The following TRPC3 variants were observed in gnomAD, a reference collection of about 807,000 sequenced individuals.
The protein encoded by TRPC3 is short transient receptor potential channel 3.
A neutral mutation model predicts 90.9 loss-of-function variants in TRPC3; 54 were observed. The observed-to-expected ratio is 0.59, with a 90% CI of 0.48 to 0.75. TRPC3 has a LOEUF of 0.75. Ranked by LOEUF, TRPC3 falls within the 30% of genes least tolerant of loss-of-function variation. The pLI is 0.00. For missense variants in TRPC3, 918 were observed against 1,194.5 expected, an observed-to-expected ratio of 0.77 and a Z score of 3.41; for synonymous variants, 424 against 450.9, an observed-to-expected ratio of 0.94 and a Z score of 0.75.
chr4:121,882,101 G>A (rs1376676424), intron 11 of TRPC3, among the ~76,000 whole-genome samples: 1 of 152,096 alleles, frequency 6.6e-6, no homozygotes, highest in African/African-American at 2.4e-5. Flanking sequence ...CTCCTAGAAA[G>A]ATGTCAGTCT....
chr4:121,910,458 C>T, intron 5 of TRPC3, 71 bp from the exon 6 acceptor site: 1 of 1,227,596 alleles, frequency 8.1e-7, no homozygotes, highest in Non-Finnish European at 1.2e-6. Flanking sequence ...ATTGTGTCCA[C>T]CATCAGGTCA....
At chr4:121,889,010 C>T (rs555776344) in intron 10 of TRPC3, among the ~76,000 whole-genome samples, 75 of 152,290 alleles carry the variant, frequency 4.9e-4, no homozygotes, top group African/African-American at 1.7e-3. Context: ...TTACAGCTAC[C>T]TGATTTTCAA....
At chr4:121,928,421 C>T (rs1392426491) in intron 2 of TRPC3, among the ~76,000 whole-genome samples, 3 of 152,130 alleles carry the variant, frequency 2.0e-5, no homozygotes, top group Non-Finnish European at 4.4e-5. Context: ...TGCAGAGTTC[C>T]GTGGGAAAGA....
At chr4:121,938,942 A>C (rs1730217631) in intron 1 of TRPC3, among the ~76,000 whole-genome samples, 1 of 151,944 alleles carries the variant, frequency 6.6e-6, no homozygotes, top group Admixed American at 6.6e-5. Flanking sequence ...GGATGGTGAC[A>C]GCCCACCCCA....
chr4:121,888,290 T>C (rs1279505913), intron 10 of TRPC3, among the ~76,000 whole-genome samples: 2 of 152,206 alleles, frequency 1.3e-5, no homozygotes, highest in Admixed American at 1.3e-4. Flanking sequence ...GATGACCCTA[T>C]TGGTGATGGC....
chr4:121,896,451 C>G (rs1409921183), intron 10 of TRPC3, among the ~76,000 whole-genome samples: 4 of 152,038 alleles, frequency 2.6e-5, no homozygotes, highest in Non-Finnish European at 5.9e-5. Flanking sequence ...AACTGATAAA[C>G]AAATTCAGTA....
chr4:121,884,300 G>A (rs1728036264), intron 10 of TRPC3, among the ~76,000 whole-genome samples: 1 of 152,098 alleles, frequency 6.6e-6, no homozygotes, highest in Non-Finnish European at 1.5e-5. Context: ...GCAAGAAGAG[G>A]AGAAACCCAA....
At chr4:121,948,272 C>G (rs533821746) in intron 1 of TRPC3, among the ~76,000 whole-genome samples, 41 of 151,786 alleles carry the variant, frequency 2.7e-4, no homozygotes, top group Middle Eastern at 6.8e-3. Flanking sequence ...TGTTGGTTAT[C>G]TGGGTCAAAA....
chr4:121,949,885 C>T (rs1417047914), intron 1 of TRPC3, among the ~76,000 whole-genome samples: 1 of 152,172 alleles, frequency 6.6e-6, no homozygotes, highest in Non-Finnish European at 1.5e-5. Context: ...AGTGAATAAT[C>T]TCTGCTCCGC....
chr4:121,921,501 G>T (rs1425829236), intron 3 of TRPC3, among the ~76,000 whole-genome samples: 1 of 115,804 alleles, frequency 8.6e-6, no homozygotes. Context: ...CAGCCTGGGC[G>T]ACAGAGCGAG....
intron 2 of TRPC3, chr4:121,930,844 A>C: frequency 2.5e-6 from 1 of 402,010 alleles, no homozygotes; most frequent in South Asian, 1.8e-5. Context: ...AAAAAAAAAA[A>C]AAAAAAAAAC....
chr4:121,882,508 T>C (rs918225452), intron 10 of TRPC3, 79 bp from the exon 11 acceptor site: 1 of 1,367,324 alleles, frequency 7.3e-7, no homozygotes, highest in African/African-American at 1.5e-5. Flanking sequence ...GAGGCTTACA[T>C]ACCTGTAAAG....
rs1484085151 is a variant in TRPC3, at chr4:121,952,018, C to T, written c.-338G>A. On this transcript the variant is annotated 5_prime_UTR_variant, in exon 1 of 12. Coordinates refer to ENST00000379645, the MANE Select transcript of TRPC3 (RefSeq NM_001130698.2). ...GGCGATGCCTCCTCGGCGCCCGTCT[C>T]CTGTCTCCGACAGCATCACTTGCTA... Among the ~76,000 whole-genome samples, 1 of 150,698 alleles carries T rather than the reference C, an allele frequency of 6.6e-6. No individual in the cohort carries two copies. Among genetic ancestry groups the T allele is most frequent in the Non-Finnish European group, 1.5e-5 (1 of 67,688 alleles).
Position 121,932,172 on chromosome 4 carries a change from C to G in TRPC3, c.987+99G>C. ...CCCTCGTGATTTCACATTCACTGGG[C>G]AAAACCGAATGTGGAGCGAACGGTG... On this transcript the variant is annotated intron_variant, in intron 2 of 11. Transcript: ENST00000379645. This position sits in a 1 kb window ranked among gnomAD's most constrained non-coding sequence, Gnocchi z 7.7. 1 of 1,526,854 alleles carries G rather than the reference C, an allele frequency of 6.5e-7. No homozygotes were observed. The highest frequency in any genetic ancestry group is 1.4e-5 in the African/African-American group (1 of 72,814). 94.6% of individuals were successfully genotyped at this position (1,526,854 alleles called of 1,614,324 possible).
chr4:121,951,868 A>G lies in TRPC3; in HGVS notation c.-188T>C. 1 of 404,940 alleles carries G rather than the reference A, an allele frequency of 2.5e-6. No homozygotes were observed. Among genetic ancestry groups the G allele is most frequent in the Non-Finnish European group, 4.2e-6 (1 of 237,136 alleles). 25.1% of individuals were successfully genotyped at this position (404,940 alleles called of 1,614,324 possible). On this transcript the variant is annotated 5_prime_UTR_variant, in exon 1 of 12. Transcript: ENST00000379645. This position sits in a 1 kb window ranked among gnomAD's most constrained non-coding sequence, Gnocchi z 4.4. ...ATCCAGCAGTTAGAGGCTAGCGCCG[A>G]AGCCGAGCTGCCGCCGCCCACCATC...
chr4:121,950,434 C>T (rs1423450609), intron 1 of TRPC3: 2 of 152,450 alleles, frequency 1.3e-5, no homozygotes, highest in South Asian at 2.1e-4. Context: ...CGCCACCATC[C>T]GACCCCAAGT....
In TRPC3 at chr4:121,903,050, A is replaced by G. The variant is rs1560694747; in HGVS notation, c.2265T>C (p.Asp755=). ...TTGAACGAGCAAACTTCCATTCTACATCACTGTCATCCTGTGTCACAAAAA... is the reference window on the plus strand; with the variant it reads ...TTGAACGAGCAAACTTCCATTCTACGTCACTGTCATCCTGTGTCACAAAAA... ...SSYQEIEDDS[D]VEWKFARSKL... The change falls in exon 9 of 12, where the codon GAT becomes GAC. Residue 755 remains aspartate, a synonymous_variant. Transcript: ENST00000379645. 1.2e-6 allele frequency: 2 copies of G among 1,611,572 alleles called. No homozygotes were observed. The highest frequency in any genetic ancestry group is 1.1e-5 in the South Asian group (1 of 90,486).
Position 121,914,895 on chromosome 4 carries a change from T to C in TRPC3, c.1226A>G (p.Glu409Gly). ...CQQQLLTIWY[E>G]NLSGLREQTI... ...CTGCTCCCTTAGGCCTGAGAGGTTC[T>C]CATACCAGATCGTCAAGAGCTGCTG... Residue 409 changes from glutamate (E) to glycine (G), a missense_variant, in exon 4 of 12, where the codon GAG (glutamate) becomes GGG (glycine). Transcript: ENST00000379645. 6.2e-7 allele frequency: 1 copy of C among 1,612,268 alleles called. No homozygotes were observed. The highest frequency in any genetic ancestry group is 8.5e-7 in the Non-Finnish European group (1 of 1,178,582).
intron 6 of TRPC3, among the ~76,000 whole-genome samples, chr4:121,908,262 ATAACAACAAAACT>A (rs1404505263): frequency 6.6e-6 from 1 of 152,172 alleles, no homozygotes; most frequent in Non-Finnish European, 1.5e-5. Flanking sequence ...GACATCTGCA[ATAACAACAAAACT>A]TAACATTTGT....
Sources: gnomAD v4.1 joint callset for allele counts (sites outside exome capture counted in the v4.1 genomes callset) on GRCh38, gnomAD v4.1.1 for gene constraint, Gnocchi (gnomAD v3.1) non-coding constraint, MANE v1.5 for transcripts, NCBI Gene and HGNC (gene_info 2026-07-23, HGNC 2026-07-21) for gene names.